GSN: variants seen among roughly 807,000 people sequenced by gnomAD.
The protein encoded by GSN is actin-depolymerizing factor.
GSN carries 56 observed loss-of-function variants against 85.7 expected under a neutral mutation model. The observed-to-expected ratio is 0.65, with a 90% CI of 0.53 to 0.82. The LOEUF is 0.82. Among genes scored for constraint, GSN ranks in the 40% least tolerant of loss-of-function variants. The pLI is 0.00. For missense variants in GSN, 857 were observed against 979.8 expected (o/e 0.87, Z 1.67); for synonymous variants, 373 against 399.1 (o/e 0.93, Z 0.78).
intron 2 of GSN, among the ~76,000 whole-genome samples, chr9:121,300,298 AT>A (rs966800167): frequency 6.7e-6 from 1 of 150,350 alleles, no homozygotes; most frequent in African/African-American, 2.5e-5. Flanking sequence ...TCCTTCTCTG[AT>A]TTTTTCTCCC....
At chr9:121,326,758 C>A in intron 13 of GSN, 76 bp downstream of exon 13, 1 of 1,270,866 alleles carries the variant, frequency 7.9e-7, no homozygotes, top group Non-Finnish European at 1.2e-6. Flanking sequence ...GATCTCCAGG[C>A]ACAGGAACGG....
intron 11 of GSN, among the ~76,000 whole-genome samples, chr9:121,322,639 C>T (rs1350856597): frequency 1.3e-5 from 2 of 152,134 alleles, no homozygotes; most frequent in Non-Finnish European, 2.9e-5. Context: ...CGATAGTGTT[C>T]GTAGCATTTT....
chr9:121,208,165 G>A (rs1289411933), intron 1 of GSN, among the ~76,000 whole-genome samples: 1 of 152,146 alleles, frequency 6.6e-6, no homozygotes, highest in Non-Finnish European at 1.5e-5. Context: ...ACACGGAATT[G>A]TTGTTCAGAT....
chr9:121,201,695 AG>A, the GSN span: 1 of 152,214 alleles, frequency 6.6e-6, no homozygotes, highest in Non-Finnish European at 1.5e-5. Context: ...CGTCAGGACC[AG>A]GAACAGGAGT....
intron 3 of GSN, 136 bp downstream of exon 3, chr9:121,302,303 C>A: frequency 9.8e-7 from 1 of 1,019,348 alleles, no homozygotes; most frequent in East Asian, 2.5e-5. Context: ...GGTTCATGCC[C>A]TGAGACGCTA....
chr9:121,259,290 CA>C (rs984400042), intron 6 of GSN, among the ~76,000 whole-genome samples: 9 of 152,240 alleles, frequency 5.9e-5, no homozygotes, highest in African/African-American at 2.2e-4. Flanking sequence ...AATAACGAGA[CA>C]GGGGAGCCTA....
intron 4 of GSN, among the ~76,000 whole-genome samples, chr9:121,306,250 T>G (rs2133315622): frequency 6.6e-6 from 1 of 152,306 alleles, no homozygotes; most frequent in African/African-American, 2.4e-5. Context: ...CACTGGAACC[T>G]TTCTGTCCTC....
chr9:121,300,213 A>T, intron 2 of GSN: 1 of 887,450 alleles, frequency 1.1e-6, no homozygotes, highest in Non-Finnish European at 1.9e-6. Context: ...CCAGGAAGCT[A>T]ACCTCACCTT....
At chr9:121,228,014 G>C (rs2054302917) in intron 4 of GSN, among the ~76,000 whole-genome samples, 1 of 152,118 alleles carries the variant, frequency 6.6e-6, no homozygotes, top group Non-Finnish European at 1.5e-5. Context: ...AGTGCAGCCT[G>C]CTGGCTGCTG....
At chr9:121,216,442 A>G (rs902323571) in intron 4 of GSN, among the ~76,000 whole-genome samples, 2 of 152,300 alleles carry the variant, frequency 1.3e-5, no homozygotes, top group Admixed American at 1.3e-4. Context: ...CAGGGAAAAC[A>G]TTGCTGCTTT....
At chr9:121,288,786 T>G (rs1244734145) in intron 2 of GSN, among the ~76,000 whole-genome samples, 1 of 152,086 alleles carries the variant, frequency 6.6e-6, no homozygotes, top group Non-Finnish European at 1.5e-5. Context: ...GGGTGGGACC[T>G]GGTATCATGG....
chr9:121,254,695 G>A (rs760320224), intron 6 of GSN, among the ~76,000 whole-genome samples: 1 of 152,116 alleles, frequency 6.6e-6, no homozygotes, highest in African/African-American at 2.4e-5. Context: ...AGCACACGTA[G>A]CAATATGTTT....
At chr9:121,282,678 G>A (rs2057532495) in intron 2 of GSN, 1 of 441,904 alleles carries the variant, frequency 2.3e-6, no homozygotes, top group African/African-American at 2.0e-5. Flanking sequence ...CTGACAAAGA[G>A]GTAGCCCTAG....
chr9:121,326,427 G>C (rs1030142600), intron 12 of GSN, 85 bp from the exon 13 acceptor site: 1 of 1,099,816 alleles, frequency 9.1e-7, no homozygotes, highest in Non-Finnish European at 1.4e-6. Context: ...TGATGGCTTC[G>C]TCTGGAGGGA....
intron 4 of GSN, among the ~76,000 whole-genome samples, chr9:121,217,798 G>GTAT (rs202182690): frequency 0.3 from 42,997 of 143,188 alleles, 6,689 homozygotes; most frequent in Middle Eastern, 0.37. Context: ...ATATAGAAAT[G>GTAT]TATTATTATT....
At chr9:121,312,838 G>A (rs887907908) in intron 6 of GSN, 1 of 172,500 alleles carries the variant, frequency 5.8e-6, no homozygotes, top group African/African-American at 2.4e-5. Context: ...ATGTCGCTCA[G>A]GCTGGTCTCC....
At chr9:121,331,170 T>C (rs2063843297) in intron 16 of GSN, among the ~76,000 whole-genome samples, 1 of 152,122 alleles carries the variant, frequency 6.6e-6, no homozygotes, top group Non-Finnish European at 1.5e-5. Context: ...AAAAAGACAT[T>C]GTTGGCTAAC....
chr9:121,291,680 A>T (rs1215175808), intron 2 of GSN, among the ~76,000 whole-genome samples: 2 of 152,020 alleles, frequency 1.3e-5, no homozygotes, highest in East Asian at 3.9e-4. Context: ...TCCGTCTCCC[A>T]AAGTGCTGGA....
chr9:121,202,284 A>C, the GSN span, among the ~76,000 whole-genome samples: 1 of 152,190 alleles, frequency 6.6e-6, no homozygotes, highest in Non-Finnish European at 1.5e-5. Flanking sequence ...CTAAGCATGC[A>C]TTTACTGCAT....
Sources: gnomAD v4.1 joint callset for allele counts (sites outside exome capture counted in the v4.1 genomes callset) on GRCh38, gnomAD v4.1.1 for gene constraint, MANE v1.5 for transcripts, NCBI Gene and HGNC (gene_info 2026-07-23, HGNC 2026-07-21) for gene names.